ERAP1: variants seen among roughly 807,000 people sequenced by gnomAD.
The protein encoded by ERAP1 is adipocyte-derived leucine aminopeptidase.
ERAP1 carries 86 observed loss-of-function variants against 103.7 expected under a neutral mutation model. The ratio of observed to expected loss-of-function variants is 0.83; its 90% CI spans 0.70 to 0.99. The LOEUF is 0.99. Ranked by LOEUF, ERAP1 falls within the 50% of genes least tolerant of loss-of-function variation. The pLI is 0.00. For missense variants in ERAP1, 1,009 were observed against 1,128.4 expected (o/e 0.89, Z 1.52); for synonymous variants, 398 against 402.4 (o/e 0.99, Z 0.13).
the ERAP1 span, among the ~76,000 whole-genome samples, chr5:96,914,295 A>C: frequency 6.6e-6 from 1 of 152,182 alleles, no homozygotes; most frequent in Non-Finnish European, 1.5e-5. Context: ...GTCAGTTAGC[A>C]TCCCTGATAT....
chr5:96,929,923 A>T, the ERAP1 span, among the ~76,000 whole-genome samples: 1 of 152,142 alleles, frequency 6.6e-6, no homozygotes, highest in Non-Finnish European at 1.5e-5. Context: ...TTTAGTGGAC[A>T]TTTAGGTTGC....
At chr5:96,789,525 A>C (rs1776487664) in intron 10 of ERAP1, among the ~76,000 whole-genome samples, 1 of 152,182 alleles carries the variant, frequency 6.6e-6, no homozygotes, top group Admixed American at 6.5e-5. Context: ...AATGTGCCAC[A>C]GGACAAATCT....
At chr5:96,880,386 G>A in the ERAP1 span, 1 of 849,440 alleles carries the variant, frequency 1.2e-6, no homozygotes, top group Non-Finnish European at 1.8e-6. Flanking sequence ...GAACCCAGAA[G>A]AAGGAAAAGA....
the ERAP1 span, among the ~76,000 whole-genome samples, chr5:96,839,544 C>A: frequency 6.6e-6 from 1 of 152,340 alleles, no homozygotes; most frequent in East Asian, 1.9e-4. Context: ...CAGCCAAATT[C>A]TTTAATACAC....
chr5:96,841,493 G>A, the ERAP1 span, among the ~76,000 whole-genome samples: 1 of 152,150 alleles, frequency 6.6e-6, no homozygotes, highest in Non-Finnish European at 1.5e-5. Flanking sequence ...CTGCTGAGAT[G>A]GAGCAGGGAT....
chr5:96,774,078 CAAGAA>C (rs1773411761), downstream of ERAP1: 1 of 152,716 alleles, frequency 6.5e-6, no homozygotes, highest in South Asian at 2.1e-4. Context: ...AAGGCAGCAA[CAAGAA>C]AAGAAAAAAC....
At chr5:96,813,810 A>G in the ERAP1 span, among the ~76,000 whole-genome samples, 2 of 152,194 alleles carry the variant, frequency 1.3e-5, no homozygotes, top group Non-Finnish European at 2.9e-5. Context: ...CTTACAGATC[A>G]AGCCATAAAG....
the ERAP1 span, among the ~76,000 whole-genome samples, chr5:96,932,058 T>C: frequency 6.6e-6 from 1 of 152,238 alleles, no homozygotes; most frequent in Non-Finnish European, 1.5e-5. Flanking sequence ...TGCTAATGCC[T>C]AAGCTCTACT....
At chr5:96,903,307 T>C in the ERAP1 span, 1 of 1,201,528 alleles carries the variant, frequency 8.3e-7, no homozygotes. Context: ...TGATTAAAAA[T>C]AACAGTTCTG....
chr5:96,794,478 AC>A (rs1288330148), intron 5 of ERAP1, among the ~76,000 whole-genome samples: 1 of 152,132 alleles, frequency 6.6e-6, no homozygotes, highest in East Asian at 1.9e-4. Flanking sequence ...GACATGAGCC[AC>A]CGTGCCCGCC....
chr5:96,910,862 C>T, the ERAP1 span, among the ~76,000 whole-genome samples: 9 of 152,128 alleles, frequency 5.9e-5, no homozygotes, highest in Non-Finnish European at 1.0e-4. Context: ...TTCCTTTATG[C>T]CAGCCAGGTA....
the ERAP1 span, among the ~76,000 whole-genome samples, chr5:96,924,834 G>T: frequency 1.3e-5 from 2 of 152,124 alleles, no homozygotes; most frequent in Non-Finnish European, 2.9e-5. Flanking sequence ...CTGACCTCAG[G>T]TGATCCACCC....
In ERAP1 at chr5:96,776,290, A is replaced by G. The variant is rs2150874751; in HGVS notation, c.*106T>C. ...ATAGTCAAAAAATGAGTTGAAGGGA[A>G]AAAAGTATCTCCAGTTGGAGCCAAA... On this transcript the variant is annotated 3_prime_UTR_variant, in exon 19 of 19. Coordinates refer to ENST00000443439, the MANE Select transcript of ERAP1 (RefSeq NM_001040458.3). 1.9e-6 allele frequency: 3 copies of G among 1,540,408 alleles called. No homozygotes were observed. In the East Asian group the frequency reaches 6.8e-5, roughly 35 times the overall value.
At chr5:96,794,921 T>G in intron 5 of ERAP1, 121 bp downstream of exon 5, 1 of 1,188,026 alleles carries the variant, frequency 8.4e-7, no homozygotes, top group Non-Finnish European at 1.2e-6. Flanking sequence ...GTTTGTCACT[T>G]GCTGGGGTTT....
At chr5:96,836,176 G>GTTTTTTTTTTTTTTT in the ERAP1 span, among the ~76,000 whole-genome samples, 23 of 106,668 alleles carry the variant, frequency 2.2e-4, no homozygotes, top group Non-Finnish European at 2.5e-4. Flanking sequence ...CACCTCTTTG[G>GTTTTTTTTTTTTTTT]TTTTTTTTTT....
the ERAP1 span, among the ~76,000 whole-genome samples, chr5:96,859,759 A>G: frequency 6.6e-6 from 1 of 152,190 alleles, no homozygotes; most frequent in Admixed American, 6.6e-5. Context: ...TTAACTGCTA[A>G]GCAAGCCTAG....
intron 10 of ERAP1, among the ~76,000 whole-genome samples, 194 bp downstream of exon 10, chr5:96,790,102 G>A (rs1206562715): frequency 1.3e-5 from 2 of 152,210 alleles, no homozygotes; most frequent in South Asian, 2.1e-4. Flanking sequence ...GGAAAGCTCT[G>A]CAACCCTCCA....
the ERAP1 span, chr5:96,903,452 A>G: frequency 1.9e-6 from 3 of 1,614,038 alleles, no homozygotes; most frequent in Non-Finnish European, 2.5e-6. Context: ...ATCGTTCACT[A>G]TGAGGGTCAT....
At chr5:96,788,409 A>G in intron 11 of ERAP1, 122 bp downstream of exon 11, 1 of 1,189,674 alleles carries the variant, frequency 8.4e-7, no homozygotes, top group Non-Finnish European at 1.2e-6. Flanking sequence ...TTCATAGGAT[A>G]CACAGATGCA....
Sources: allele counts gnomAD v4.1 joint callset (sites outside exome capture counted in the v4.1 genomes callset), GRCh38; gene constraint gnomAD v4.1.1; transcripts MANE v1.5; gene names NCBI Gene and HGNC (gene_info 2026-07-23, HGNC 2026-07-21).